Variants in IQCH observed in about 807,000 individuals in gnomAD.
IQCH encodes IQ motif containing H, also known as IQ domain-containing protein H.
IQCH carries 98 observed loss-of-function variants against 117.0 expected under a neutral mutation model. The ratio of observed to expected loss-of-function variants is 0.84; its 90% confidence interval spans 0.71 to 0.99. The LOEUF (loss-of-function observed/expected upper bound fraction) is 0.99. IQCH is among the 50% of genes least tolerant of loss of function. IQCH has a pLI of 0.00. For missense variants in IQCH, 1,102 were observed against 1,243.8 expected, an observed-to-expected ratio of 0.89 and a Z score of 1.72; for synonymous variants, 412 against 448.2, an observed-to-expected ratio of 0.92 and a Z score of 1.02.
At position 67,369,552 on chromosome 15, in the gene IQCH, GGAA is replaced by G. The variant is rs1970452389; in HGVS notation, c.754-2555_754-2553del. 1.3e-5 allele frequency among the ~76,000 whole-genome samples: 2 copies of G among 150,260 alleles called. No individual in the cohort carries two copies. Among genetic ancestry groups the G allele is most frequent in the Non-Finnish European group, 3.0e-5 (2 of 67,654 alleles). On this transcript the variant is annotated intron_variant, in intron 8 of 20. Coordinates refer to ENST00000335894, the MANE Select transcript of IQCH (RefSeq NM_001031715.3). The surrounding 1 kb of genome is among the most constrained non-coding windows in gnomAD (Gnocchi z 5.2). ...AAGAAGGGAAGGAGGGAGGGAGGAA[GGAA>G]GAAAAGGAAGGAGGGAGGAAAGAAG... is the stretch of plus-strand genomic sequence containing the variant.
intron 4 of IQCH, among the ~76,000 whole-genome samples, chr15:67,283,921 A>G (rs760301156): frequency 1.3e-5 from 2 of 152,112 alleles, no homozygotes; most frequent in Non-Finnish European, 1.5e-5. Flanking sequence ...TTGTGAGTAC[A>G]TAGTGGGTGT....
At position 67,431,626 on chromosome 15, in the gene IQCH, G is replaced by A. The variant is rs796969182; in HGVS notation, c.2505+10049G>A. ...TGTAGCAAACCTGCACACGTACCCC[G>A]AACTTAAAAGTTAAAAAAAAACACA... On this transcript the variant is annotated intron_variant, in intron 16 of 20. Coordinates refer to ENST00000335894, the MANE Select transcript of IQCH (RefSeq NM_001031715.3). This position sits in a 1 kb window ranked among gnomAD's most constrained non-coding sequence, Gnocchi z 4.8. 3.3e-5 allele frequency among the ~76,000 whole-genome samples: 5 copies of A among 151,992 alleles called. No homozygotes were observed. Among genetic ancestry groups the A allele is most frequent in the South Asian group, 2.1e-4 (1 of 4,804 alleles).
rs948299271 is a variant in IQCH at position 67,408,776 on chromosome 15, C to T, written c.2098-8155C>T. On this transcript the variant is annotated intron_variant, in intron 14 of 20. Transcript: ENST00000335894. The surrounding 1 kb of genome is among the most constrained non-coding windows in gnomAD (Gnocchi z 4.2). ...CTTTCATCAGCATATGCAATTTTCT[C>T]AACCAGCGATATTTCTCTAACTGGA... Among the ~76,000 whole-genome samples the T allele has an allele frequency of 5.3e-5, 8 of 152,156 alleles. No homozygotes were observed. The highest frequency in any genetic ancestry group is 1.9e-4 in the African/African-American group (8 of 41,446).
At chr15:67,339,634 A>G (rs117766682) in intron 5 of IQCH, among the ~76,000 whole-genome samples, 7 of 152,330 alleles carry the variant, frequency 4.6e-5, no homozygotes, top group Non-Finnish European at 8.8e-5. Context: ...TCAGGACTCT[A>G]TTAAAAGGAT....
At chr15:67,489,586 A>T (rs2083592969) in intron 18 of IQCH, among the ~76,000 whole-genome samples, 1 of 151,562 alleles carries the variant, frequency 6.6e-6, no homozygotes, top group African/African-American at 2.4e-5. Context: ...AAAGTGCTGG[A>T]ATTACAGGCG....
intron 13 of IQCH, among the ~76,000 whole-genome samples, chr15:67,397,717 T>C (rs2140860732): frequency 6.6e-6 from 1 of 152,322 alleles, no homozygotes; most frequent in East Asian, 1.9e-4. Context: ...TTCTGCTCTT[T>C]ACCAGGATAA....
At chr15:67,423,213 A>T (rs2081794262) in intron 16 of IQCH, among the ~76,000 whole-genome samples, 1 of 152,138 alleles carries the variant, frequency 6.6e-6, no homozygotes, top group African/African-American at 2.4e-5. Flanking sequence ...GGAAATCTGG[A>T]TGGCAGGGAT....
rs555209117 is a variant in IQCH at position 67,452,867 on chromosome 15, A to C, written c.2506-12260A>C. ...CCCATCACTTTCAGGTACACCAATCAGACGTAGATTTGGTCTTTTCACATA... is the reference window on the plus strand; with the variant it reads ...CCCATCACTTTCAGGTACACCAATCCGACGTAGATTTGGTCTTTTCACATA... On this transcript the variant is annotated intron_variant, in intron 16 of 20. Transcript: ENST00000335894. Among the ~76,000 whole-genome samples, 75 of 152,332 alleles carry C rather than the reference A, an allele frequency of 4.9e-4. 1 individual carries two copies. Among genetic ancestry groups the C allele is most frequent in the African/African-American group, 1.7e-3 (70 of 41,564 alleles).
chr15:67,434,999 A>G (rs7494794), intron 16 of IQCH, among the ~76,000 whole-genome samples: 1 of 128,042 alleles, frequency 7.8e-6, no homozygotes, highest in African/African-American at 2.9e-5. Context: ...TTTTTTTTTA[A>G]TTTTTTTTAA....
chr15:67,400,052 C>T (rs552482761), intron 13 of IQCH, 62 bp from the exon 14 acceptor site: 151 of 1,359,134 alleles, frequency 1.1e-4, no homozygotes, highest in Middle Eastern at 7.4e-4. Flanking sequence ...TAAGTTGTTA[C>T]GATAAAAAGG....
At chr15:67,349,754 C>G (rs1969571837) in intron 6 of IQCH, among the ~76,000 whole-genome samples, 1 of 151,916 alleles carries the variant, frequency 6.6e-6, no homozygotes, top group Non-Finnish European at 1.5e-5. Context: ...ACATAACAGA[C>G]AAAAGACATG....
At chr15:67,480,079 G>A (rs2083304607) in intron 18 of IQCH, among the ~76,000 whole-genome samples, 1 of 152,222 alleles carries the variant, frequency 6.6e-6, no homozygotes, top group Non-Finnish European at 1.5e-5. Flanking sequence ...GCCTGCACCA[G>A]TGTGGGGCAG....
chr15:67,274,011 T>A (rs1005083380), intron 3 of IQCH, among the ~76,000 whole-genome samples: 2 of 152,230 alleles, frequency 1.3e-5, no homozygotes, highest in African/African-American at 4.8e-5. Context: ...GCTTATATCG[T>A]TTCCATTGAG....
chr15:67,429,213 A>G (rs1048776552), intron 16 of IQCH, among the ~76,000 whole-genome samples: 1 of 152,254 alleles, frequency 6.6e-6, no homozygotes, highest in African/African-American at 2.4e-5. Flanking sequence ...GTTTTCTGCA[A>G]AAGTAAACAT....
chr15:67,329,689 G>A (rs1478744097), intron 4 of IQCH, among the ~76,000 whole-genome samples: 5 of 151,838 alleles, frequency 3.3e-5, no homozygotes, highest in African/African-American at 4.8e-5. Context: ...GTCTGGTCTC[G>A]AACTCCTGGC....
chr15:67,467,262 A>G lies in IQCH; in HGVS notation c.2676+1965A>G, dbSNP rs1482464450. Among the ~76,000 whole-genome samples the G allele has an allele frequency of 2.0e-5, 3 of 152,172 alleles. No individual in the cohort carries two copies. The highest frequency in any genetic ancestry group is 4.4e-5 in the Non-Finnish European group (3 of 68,014). On this transcript the variant is annotated intron_variant, in intron 17 of 20. Transcript: ENST00000335894. The surrounding 1 kb of genome is among the most constrained non-coding windows in gnomAD (Gnocchi z 5.7). ...AAAATAAAGCTGGAAGCAGAGTGGT[A>G]TTCAGCACAAGACTTCCAAAGACAA...
chr15:67,358,349 C>G (rs1969998157), intron 7 of IQCH, among the ~76,000 whole-genome samples: 1 of 150,120 alleles, frequency 6.7e-6, no homozygotes, highest in Admixed American at 6.7e-5. Context: ...GATGTACCAC[C>G]ACTCCTGGCT....
At chr15:67,310,028 T>A (rs1013918856) in intron 4 of IQCH, among the ~76,000 whole-genome samples, 2 of 151,830 alleles carry the variant, frequency 1.3e-5, no homozygotes, top group African/African-American at 4.8e-5. Context: ...ATCTCTCATT[T>A]CCTTCTTCAC....
At position 67,263,119 on chromosome 15, in the gene IQCH, C is replaced by G. The variant is rs1965526006; in HGVS notation, c.175-3C>G. On this transcript the variant is annotated splice_polypyrimidine_tract_variant and splice_region_variant and intron_variant, in intron 2 of 20. Coordinates refer to ENST00000335894, the MANE Select transcript of IQCH (RefSeq NM_001031715.3). ...TGCCTAAACTTTGACATTTCTGTAA[C>G]AGATTCACATTGAGAAGTATTTAAA... 7.0e-7 allele frequency: 1 copy of G among 1,432,666 alleles called. No individual in the cohort carries two copies. The highest frequency in any genetic ancestry group is 1.4e-5 in the African/African-American group (1 of 71,280). 88.7% of individuals were successfully genotyped at this position (1,432,666 alleles called of 1,614,324 possible).
Sources: allele counts gnomAD v4.1 joint callset (sites outside exome capture counted in the v4.1 genomes callset), GRCh38; gene constraint gnomAD v4.1.1; non-coding constraint Gnocchi (gnomAD v3.1); transcripts MANE v1.5; gene names NCBI Gene and HGNC (gene_info 2026-07-23, HGNC 2026-07-21).